VPS51: variants seen among roughly 807,000 people sequenced by gnomAD.
VPS51 encodes the protein vacuolar protein sorting-associated protein 51 homolog.
Under a neutral mutation model 65.1 loss-of-function variants are expected in VPS51, and 55 were observed. The ratio of observed to expected loss-of-function variants is 0.84; its 90% CI spans 0.68 to 1.06. The LOEUF is 1.06. Ranked by LOEUF, VPS51 falls within the 50% of genes least tolerant of loss-of-function variation. The probability of loss-of-function intolerance (pLI) is 0.00; values close to 1 mark genes in which losing one functional copy is unlikely to be tolerated. For synonymous variants in VPS51, 473 were observed against 489.5 expected, an observed-to-expected ratio of 0.97 and a Z score of 0.44; for missense variants, 943 against 1,101.6, an observed-to-expected ratio of 0.86 and a Z score of 2.04.
At chr11:65,110,328 T>C in intron 7 of VPS51, 154 bp from the exon 8 acceptor site, 1 of 1,313,980 alleles carries the variant, frequency 7.6e-7, no homozygotes, top group Non-Finnish European at 1.1e-6. Flanking sequence ...GTTCTATAAA[T>C]AGCGACCATG....
At chr11:65,101,717 T>A (rs1257001690) in intron 2 of VPS51, among the ~76,000 whole-genome samples, 1 of 134,222 alleles carries the variant, frequency 7.5e-6, no homozygotes, top group African/African-American at 2.9e-5. Flanking sequence ...AAGCCAAGAT[T>A]GTGTCACTGC....
chr11:65,110,152 C>T (rs376697846), intron 7 of VPS51: 4 of 623,980 alleles, frequency 6.4e-6, no homozygotes, highest in African/African-American at 5.5e-5. Flanking sequence ...CCTATGTCCA[C>T]GGTCTTGTTC....
At chr11:65,100,674 G>A (rs900584161) in intron 2 of VPS51, among the ~76,000 whole-genome samples, 1 of 151,770 alleles carries the variant, frequency 6.6e-6, no homozygotes, top group Non-Finnish European at 1.5e-5. Context: ...GGGATTATAG[G>A]TGTGCACCAT....
intron 2 of VPS51, among the ~76,000 whole-genome samples, chr11:65,102,060 T>G (rs1947812780): frequency 1.4e-5 from 2 of 144,306 alleles, no homozygotes; most frequent in African/African-American, 5.1e-5. Flanking sequence ...TGCTCTGTCA[T>G]CCAGGCTAGA....
In VPS51 at chr11:65,108,875, C is replaced by G; in HGVS notation, c.1404C>G (p.Thr468=). 1 of 1,613,040 alleles carries G rather than the reference C, an allele frequency of 6.2e-7. No homozygotes were observed. Among genetic ancestry groups the G allele is most frequent in the Non-Finnish European group, 8.5e-7 (1 of 1,180,026 alleles). ...KASLAAVHLF[T]AKEVSFSNKP... ...CTCTGGCAGCAGTGCACCTTTTCAC[C>G]GCCAAAGAGGTGTCCTTCTCCAACA... The change falls in exon 5 of 10, where the codon ACC becomes ACG. Residue 468 remains threonine, a synonymous_variant. Transcript: ENST00000279281.
chr11:65,107,742 G>T lies in VPS51; in HGVS notation c.505+15G>T, dbSNP rs1947852571. 3 of 1,604,444 alleles carry T rather than the reference G, an allele frequency of 1.9e-6. No homozygotes were observed. Among genetic ancestry groups the T allele is most frequent in the Non-Finnish European group, 2.6e-6 (3 of 1,174,792 alleles). On this transcript the variant is annotated intron_variant, in intron 3 of 9. Transcript: ENST00000279281. This position sits in a 1 kb window ranked among gnomAD's most constrained non-coding sequence, Gnocchi z 4.0. Reference sequence around the variant, plus strand: ...CAAGCTGGCAGGTGGGCGCTGCCGGGCAGGGCCTGCAGTGGGCCTTTCCTG... The same window carrying T: ...CAAGCTGGCAGGTGGGCGCTGCCGGTCAGGGCCTGCAGTGGGCCTTTCCTG...
rs1947768370 is a variant in VPS51 at position 65,096,372 on chromosome 11, A to G, written c.122A>G (p.Tyr41Cys). 3 of 1,533,968 alleles carry G rather than the reference A, an allele frequency of 2.0e-6. No homozygotes were observed. Among genetic ancestry groups the G allele is most frequent in the East Asian group, 2.5e-5 (1 of 40,366 alleles). The stretch of plus-strand genomic sequence containing the variant: ...GCGCACGGGATGCTGAAGCTTTACT[A>G]CGGCCTCTCGGAAGGGGAGGCGGCG... ...RKAHGMLKLY[Y>C]GLSEGEAAGR... Residue 41 changes from tyrosine to cysteine, a missense_variant, in exon 1 of 10, where the codon TAC becomes TGC. By Grantham distance (194) the Tyr-to-Cys change is radical (BLOSUM62 -2). This residue lies in a region of VPS51 where 855 missense variants were observed against 953.7 expected (regional missense o/e 0.90). Coordinates refer to ENST00000279281, the MANE Select transcript of VPS51 (RefSeq NM_013265.4).
chr11:65,101,566 C>T (rs1011322016), intron 2 of VPS51, among the ~76,000 whole-genome samples: 3 of 151,536 alleles, frequency 2.0e-5, no homozygotes, highest in Non-Finnish European at 4.4e-5. Flanking sequence ...CTCAGGAGTT[C>T]GAGACCATCC....
Position 65,108,736 on chromosome 11 carries a change from T to C in VPS51, c.1265T>C (p.Leu422Pro), listed in dbSNP as rs892988050. The C allele has an allele frequency of 6.2e-7, 1 of 1,610,860 alleles. No homozygotes were observed. The highest frequency in any genetic ancestry group is 8.5e-7 in the Non-Finnish European group (1 of 1,179,602). ...QGLRAAFLGCLTDVRQALAAP... is the reference protein window; with the variant it reads ...QGLRAAFLGCPTDVRQALAAP... The stretch of plus-strand genomic sequence containing the variant: ...CTCCGGGCGGCCTTCCTGGGCTGCC[T>C]GACAGACGTCCGCCAGGCGCTGGCA... Residue 422 changes from leucine to proline, a missense_variant, in exon 5 of 10, where the codon CTG becomes CCG. This residue lies in a region of VPS51 where 855 missense variants were observed against 953.7 expected (regional missense o/e 0.90). Transcript: ENST00000279281.
At chr11:65,096,518 G>GGGGGGGGGGGGGGGGGGGGGGGC in intron 1 of VPS51, 40 bp downstream of exon 1, 4 of 499,404 alleles carry the variant, frequency 8.0e-6, no homozygotes, top group East Asian at 5.2e-5. Flanking sequence ...GGGGAGGGGG[G>GGGGGGGGGGGGGGGGGGGGGGGC]AAGGGAACCA....
chr11:65,100,550 A>C (rs1328576963), intron 2 of VPS51, among the ~76,000 whole-genome samples: 1 of 64,340 alleles, frequency 1.6e-5, no homozygotes, highest in African/African-American at 6.5e-5. Context: ...TTTTTTTTTG[A>C]GATGGAGTCT....
rs754811730 is a variant in VPS51, at chr11:65,108,423, G to C, written c.952G>C (p.Val318Leu). The C allele has an allele frequency of 9.3e-6, 15 of 1,611,854 alleles. No homozygotes were observed. In the African/African-American group the frequency reaches 1.9e-4, roughly 20 times the overall value. ...GSGFVGGLCQ[V>L]AAAYQELFAA... ...TGGCTTCGTGGGCGGCCTCTGCCAG[G>C]TGGCGGCGGCCTACCAGGAGCTGTT... is the stretch of plus-strand genomic sequence containing the variant. Residue 318 changes from valine (V) to leucine (L), a missense_variant, in exon 5 of 10, where the codon GTG (valine) becomes CTG (leucine). Val to Leu is a conservative substitution (Grantham distance 32). Coordinates refer to ENST00000279281, the MANE Select transcript of VPS51 (RefSeq NM_013265.4).
At chr11:65,096,742 G>A (rs1947772945) in intron 1 of VPS51, 1 of 654,056 alleles carries the variant, frequency 1.5e-6, no homozygotes, top group Non-Finnish European at 2.6e-6. Context: ...CGTGGCCCAA[G>A]CGTTGACAGG....
Position 65,108,469 on chromosome 11 carries a change from G to A in VPS51, c.998G>A (p.Gly333Asp), listed in dbSNP as rs764195404. ...CTGTTTGCGGCCCAGGGCCCAGCAGGTGCCGAGAAGCTGGCGGCCTTCGCC... is the reference window on the plus strand; with the variant it reads ...CTGTTTGCGGCCCAGGGCCCAGCAGATGCCGAGAAGCTGGCGGCCTTCGCC... ...QELFAAQGPA[G>D]AEKLAAFARQ... The change falls in exon 5 of 10, where the codon GGT (glycine) becomes GAT (aspartate). Residue 333 changes from glycine (G) to aspartate (D), a missense_variant. Physicochemically the swap from Gly to Asp is moderately conservative, Grantham distance 94. This residue lies in a region of VPS51 where 855 missense variants were observed against 953.7 expected (regional missense o/e 0.90). Transcript: ENST00000279281. The A allele has an allele frequency of 1.9e-6, 3 of 1,609,470 alleles. No homozygotes were observed. The South Asian group carries it at 3.3e-5, about 18-fold the overall frequency.
intron 9 of VPS51, 84 bp downstream of exon 9, chr11:65,110,865 A>G: frequency 6.4e-7 from 1 of 1,558,074 alleles, no homozygotes; most frequent in Non-Finnish European, 8.8e-7. Flanking sequence ...AAGGAGCCCC[A>G]GGACTCTGTG....
intron 2 of VPS51, among the ~76,000 whole-genome samples, chr11:65,099,536 G>C (rs1033108886): frequency 6.6e-6 from 1 of 152,108 alleles, no homozygotes; most frequent in South Asian, 2.1e-4. Flanking sequence ...GCTCATGCCT[G>C]TAATCCCTGC....
intron 2 of VPS51, among the ~76,000 whole-genome samples, chr11:65,100,782 G>C (rs1565310074): frequency 1.3e-5 from 2 of 152,026 alleles, no homozygotes; most frequent in Admixed American, 6.6e-5. Context: ...CTGACCTCAA[G>C]TGATCCGCTT....
At position 65,110,135 on chromosome 11, in the gene VPS51, G is replaced by A. The variant is rs141670993; in HGVS notation, c.1878+212G>A. 599 of 638,740 alleles carry A rather than the reference G, an allele frequency of 9.4e-4. 6 individuals carry two copies. The East Asian group carries it at 0.016, about 17-fold the overall frequency. The allele number at this position is 638,740 out of a possible 1,614,324, so 39.6% of individuals were successfully genotyped here. ...CCAAGGATGAAGACCAAACGGGCTG[G>A]GGAGTGCCTATGTCCACGGTCTTGT... On this transcript the variant is annotated intron_variant, in intron 7 of 9. Coordinates refer to ENST00000279281, the MANE Select transcript of VPS51 (RefSeq NM_013265.4).
rs1259284076 is a variant in VPS51 at position 65,107,861 on chromosome 11, C to G, written c.564C>G (p.Thr188=). ...TCTTTGAGCTGCCCTCGCGCCTCAC[C>G]AAGTGCGTGGAACTGGGCGCCTATG... ...QFLFELPSRL[T]KCVELGAYGQ... The change falls in exon 4 of 10, where the codon ACC becomes ACG. Residue 188 remains threonine, a synonymous_variant. Coordinates refer to ENST00000279281, the MANE Select transcript of VPS51 (RefSeq NM_013265.4). This position sits in a 1 kb window ranked among gnomAD's most constrained non-coding sequence, Gnocchi z 4.0. 1.3e-6 allele frequency: 2 copies of G among 1,551,990 alleles called. No homozygotes were observed.
Sources: allele counts gnomAD v4.1 joint callset (sites outside exome capture counted in the v4.1 genomes callset), GRCh38; gene constraint gnomAD v4.1.1; regional missense constraint gnomAD v4.1.1; non-coding constraint Gnocchi (gnomAD v3.1); transcripts MANE v1.5; gene names NCBI Gene and HGNC (gene_info 2026-07-23, HGNC 2026-07-21).